Variants in GAS2 observed in about 807,000 individuals in gnomAD.
The protein encoded by GAS2 is growth arrest specific 2.
Under a neutral mutation model 37.5 loss-of-function variants are expected in GAS2, and 20 were observed. The observed-to-expected ratio is 0.53, with a 90% CI of 0.37 to 0.77. The LOEUF (loss-of-function observed/expected upper bound fraction) is 0.77. Ranked by LOEUF, GAS2 falls within the 30% of genes least tolerant of loss-of-function variation. GAS2 has a pLI of 0.00. For synonymous variants in GAS2, 144 were observed against 132.2 expected (o/e 1.09, Z -0.61); for missense variants, 336 against 373.4 (o/e 0.90, Z 0.82).
intron 7 of GAS2, among the ~76,000 whole-genome samples, chr11:22,806,094 C>A (rs1856869313): frequency 6.6e-6 from 1 of 152,080 alleles, no homozygotes; most frequent in African/African-American, 2.4e-5. Context: ...AATGCCTTAA[C>A]CATCTGGGAA....
chr11:22,799,638 A>AT (rs1412733650), intron 7 of GAS2, among the ~76,000 whole-genome samples: 11 of 152,094 alleles, frequency 7.2e-5, no homozygotes, highest in African/African-American at 2.6e-4. Flanking sequence ...ATTCACACAG[A>AT]TTTTTTTCAG....
intron 6 of GAS2, among the ~76,000 whole-genome samples, chr11:22,750,267 A>G (rs1277552572): frequency 6.6e-6 from 1 of 152,082 alleles, no homozygotes; most frequent in East Asian, 1.9e-4. Context: ...TTCCTCCAGG[A>G]TATGAGCAGA....
At chr11:22,647,885 C>T (rs1848721820) in intron 1 of GAS2, among the ~76,000 whole-genome samples, 3 of 152,134 alleles carry the variant, frequency 2.0e-5, no homozygotes, top group South Asian at 4.1e-4. Flanking sequence ...CCTGTTCACT[C>T]TGATGGTAGT....
chr11:22,657,711 C>G lies in GAS2; in HGVS notation c.-20-17139C>G, dbSNP rs186401250. On this transcript the variant is annotated intron_variant, in intron 1 of 5. Transcript: ENST00000528582. ...AAGATTATTTTCTTCTTTTAACCTGCAGGGTCATGACTACCGTACTTCCTC... is the reference window on the plus strand; with the variant it reads ...AAGATTATTTTCTTCTTTTAACCTGGAGGGTCATGACTACCGTACTTCCTC... 2.3e-3 allele frequency among the ~76,000 whole-genome samples: 352 copies of G among 152,292 alleles called. 1 individual carries two copies. The highest frequency in any genetic ancestry group is 4.0e-3 in the Admixed American group (61 of 15,296).
At position 22,795,192 on chromosome 11, in the gene GAS2, T is replaced by C. The variant is rs555446440; in HGVS notation, c.724-16606T>C. On this transcript the variant is annotated intron_variant, in intron 7 of 7. Transcript: ENST00000454584. ...TTTCAGTAGGAATATTTTCTAAATA[T>C]TGTAAAGGATATACTTATACTAAGA... 8.3e-4 allele frequency among the ~76,000 whole-genome samples: 126 copies of C among 152,290 alleles called. 1 individual carries two copies. Among genetic ancestry groups the C allele is most frequent in the African/African-American group, 2.8e-3 (115 of 41,562 alleles).
chr11:22,780,029 C>A (rs149500488), intron 7 of GAS2, among the ~76,000 whole-genome samples: 1 of 152,296 alleles, frequency 6.6e-6, no homozygotes, highest in Non-Finnish European at 1.5e-5. Flanking sequence ...GATTGTTGCT[C>A]TCTTCCCAGT....
intron 6 of GAS2, among the ~76,000 whole-genome samples, chr11:22,749,802 C>T (rs1239894784): frequency 6.6e-6 from 1 of 151,974 alleles, no homozygotes; most frequent in African/African-American, 2.4e-5. Flanking sequence ...TCTTCAAGGT[C>T]GCTCTACTTA....
intron 7 of GAS2, among the ~76,000 whole-genome samples, chr11:22,802,021 G>A (rs1374684635): frequency 2.0e-5 from 3 of 151,704 alleles, no homozygotes; most frequent in Non-Finnish European, 4.4e-5. Flanking sequence ...AAAAAAAAAA[G>A]CAAAAAGACA....
intron 3 of GAS2, among the ~76,000 whole-genome samples, chr11:22,724,731 T>C (rs1852112092): frequency 1.3e-5 from 2 of 152,086 alleles, no homozygotes; most frequent in Non-Finnish European, 2.9e-5. Flanking sequence ...ATTATATCTA[T>C]CCTAAATCAA....
At chr11:22,725,951 A>G (rs1347644912) in intron 3 of GAS2, among the ~76,000 whole-genome samples, 2 of 152,122 alleles carry the variant, frequency 1.3e-5, no homozygotes, top group Admixed American at 6.6e-5. Context: ...AAATACATTT[A>G]TAAGTACTTT....
At chr11:22,723,618 G>A (rs115843459) in intron 3 of GAS2, among the ~76,000 whole-genome samples, 2,120 of 151,990 alleles carry the variant, frequency 0.014, 43 homozygotes, top group African/African-American at 0.048. Flanking sequence ...TAGCAAGGCT[G>A]TAGCTATGTG....
At chr11:22,801,288 C>G (rs908774836) in intron 7 of GAS2, among the ~76,000 whole-genome samples, 1 of 151,960 alleles carries the variant, frequency 6.6e-6, no homozygotes, top group Non-Finnish European at 1.5e-5. Flanking sequence ...CCCCAAGACC[C>G]ACAGGAAGCT....
chr11:22,711,858 A>T (rs1025819753), intron 3 of GAS2, among the ~76,000 whole-genome samples: 5 of 152,124 alleles, frequency 3.3e-5, no homozygotes, highest in Non-Finnish European at 7.4e-5. Flanking sequence ...AGCCCTGCCC[A>T]AGGAGAGTCT....
intron 1 of GAS2, among the ~76,000 whole-genome samples, chr11:22,633,063 A>C (rs1158116560): frequency 6.6e-6 from 1 of 152,110 alleles, no homozygotes; most frequent in Non-Finnish European, 1.5e-5. Flanking sequence ...GGTATTTTAA[A>C]GATTTCATCT....
At chr11:22,700,933 AT>A (rs548814047) in intron 3 of GAS2, among the ~76,000 whole-genome samples, 4 of 152,116 alleles carry the variant, frequency 2.6e-5, no homozygotes, top group African/African-American at 2.4e-5. Flanking sequence ...AGATGAAATC[AT>A]TTTTTTTCTT....
At chr11:22,771,669 A>G (rs1305980770) in intron 7 of GAS2, among the ~76,000 whole-genome samples, 1 of 152,218 alleles carries the variant, frequency 6.6e-6, no homozygotes, top group Non-Finnish European at 1.5e-5. Flanking sequence ...TCTGTTATAC[A>G]TAAATGCAAA....
chr11:22,663,278 G>C (rs1339964038), upstream of GAS2, among the ~76,000 whole-genome samples: 1 of 152,042 alleles, frequency 6.6e-6, no homozygotes, highest in Non-Finnish European at 1.5e-5. Flanking sequence ...TGGGGACATA[G>C]AGCCAAACCA....
chr11:22,723,655 GT>G (rs1852050105), intron 3 of GAS2, among the ~76,000 whole-genome samples: 1 of 151,840 alleles, frequency 6.6e-6, no homozygotes, highest in Non-Finnish European at 1.5e-5. Context: ...CTAGATTATA[GT>G]TTTTACATGC....
At chr11:22,662,225 A>G (rs1381239869), upstream of GAS2, among the ~76,000 whole-genome samples, 1 of 152,218 alleles carries the variant, frequency 6.6e-6, no homozygotes, top group Non-Finnish European at 1.5e-5. Context: ...GACCTCATTT[A>G]TAAGCCTGGC....
Sources: gnomAD v4.1 joint callset for allele counts (sites outside exome capture counted in the v4.1 genomes callset) on GRCh38, gnomAD v4.1.1 for gene constraint, MANE v1.5 for transcripts, NCBI Gene and HGNC (gene_info 2026-07-23, HGNC 2026-07-21) for gene names.